HORMAD2: variants seen among roughly 807,000 people sequenced by gnomAD.
HORMAD2 encodes the protein HORMA domain-containing protein 2.
In HORMAD2, 45 loss-of-function variants were observed where a neutral mutation model predicts 38.8. The ratio of observed to expected loss-of-function variants is 1.16; its 90% confidence interval spans 0.91 to 1.49. The LOEUF is 1.49. Ranked by LOEUF, HORMAD2 falls within the 40% of genes most tolerant of loss-of-function variation. HORMAD2 has a pLI of 0.00. For missense variants in HORMAD2, 338 were observed against 367.0 expected (o/e 0.92, Z 0.65); for synonymous variants, 126 against 122.8 (o/e 1.03, Z -0.17).
intron 10 of HORMAD2, among the ~76,000 whole-genome samples, chr22:30,129,064 A>G (rs1468908993): frequency 6.6e-6 from 1 of 151,794 alleles, no homozygotes; most frequent in African/African-American, 2.4e-5. Flanking sequence ...TAAAAATACA[A>G]AAAATTAGCC....
chr22:30,140,842 C>T (rs1924021787), intron 10 of HORMAD2, among the ~76,000 whole-genome samples: 1 of 152,038 alleles, frequency 6.6e-6, no homozygotes, highest in African/African-American at 2.4e-5. Flanking sequence ...GCACTTTTTC[C>T]AGTGTCTTAA....
chr22:30,093,195 G>A (rs1342600604), intron 1 of HORMAD2, among the ~76,000 whole-genome samples: 1 of 152,012 alleles, frequency 6.6e-6, no homozygotes, highest in African/African-American at 2.4e-5. Flanking sequence ...TTTCATTGTA[G>A]CAATCTTTCA....
the HORMAD2 span, among the ~76,000 whole-genome samples, chr22:30,194,926 C>T: frequency 6.6e-6 from 1 of 152,270 alleles, no homozygotes; most frequent in African/African-American, 2.4e-5. Flanking sequence ...GGCACAGTGG[C>T]TCACGCCTGT....
chr22:30,090,267 G>T (rs1252259861), intron 1 of HORMAD2, among the ~76,000 whole-genome samples: 1 of 152,184 alleles, frequency 6.6e-6, no homozygotes, highest in Non-Finnish European at 1.5e-5. Context: ...AGAGGCTGAG[G>T]TGGGAGAATC....
the HORMAD2 span, among the ~76,000 whole-genome samples, chr22:30,200,556 T>C: frequency 6.6e-6 from 1 of 151,958 alleles, no homozygotes; most frequent in Non-Finnish European, 1.5e-5. Context: ...TCTAAATCAT[T>C]TTATTAATTT....
chr22:30,094,795 C>T (rs73400673), intron 2 of HORMAD2, among the ~76,000 whole-genome samples: 2,453 of 152,200 alleles, frequency 0.016, 65 homozygotes, highest in African/African-American at 0.056. Context: ...TGAGGAAAAC[C>T]CAGCATATGC....
chr22:30,174,501 A>G (rs1287954640), intron 10 of HORMAD2, among the ~76,000 whole-genome samples: 4 of 152,184 alleles, frequency 2.6e-5, no homozygotes, highest in Non-Finnish European at 5.9e-5. Context: ...AGGCCTCACT[A>G]TTACCTTGAG....
At chr22:30,083,418 A>G (rs1757674366) in intron 1 of HORMAD2, among the ~76,000 whole-genome samples, 1 of 152,238 alleles carries the variant, frequency 6.6e-6, no homozygotes, top group African/African-American at 2.4e-5. Flanking sequence ...AGGTTTTTAG[A>G]TAATGAGCCT....
intron 1 of HORMAD2, among the ~76,000 whole-genome samples, chr22:30,088,185 A>G (rs911319369): frequency 3.6e-4 from 54 of 150,342 alleles, no homozygotes; most frequent in Non-Finnish European, 8.9e-5. Context: ...ATATATACAT[A>G]TATACCTATG....
At chr22:30,102,994 A>C (rs1271021376) in intron 3 of HORMAD2, among the ~76,000 whole-genome samples, 1 of 152,152 alleles carries the variant, frequency 6.6e-6, no homozygotes, top group African/African-American at 2.4e-5. Context: ...ATTTCGGATA[A>C]AATAAATATT....
intron 10 of HORMAD2, among the ~76,000 whole-genome samples, chr22:30,129,237 AAAAAAAAAAAAAAAAAAAAG>A (rs1480858149): frequency 0.049 from 4,027 of 82,570 alleles, 484 homozygotes; most frequent in African/African-American, 0.15. Flanking sequence ...AAAAAAAAAA[AAAAAAAAAAAAAAAAAAAAG>A]AGAGAGAGAG....
chr22:30,192,244 G>C, the HORMAD2 span: 2 of 152,270 alleles, frequency 1.3e-5, no homozygotes, highest in Non-Finnish European at 2.9e-5. Context: ...AAGAGGAATA[G>C]GGTTAACAAA....
chr22:30,180,949 CT>C (rs1827904146), downstream of HORMAD2, among the ~76,000 whole-genome samples: 1 of 113,874 alleles, frequency 8.8e-6, no homozygotes, highest in Non-Finnish European at 1.9e-5. Flanking sequence ...CTCCTCTCCT[CT>C]CCTCTCCTCT....
the HORMAD2 span, chr22:30,207,263 T>C: frequency 5.9e-6 from 2 of 337,856 alleles, no homozygotes; most frequent in Admixed American, 7.3e-5. Context: ...CTGATTCTTT[T>C]CTTGGGGCTG....
chr22:30,164,607 ATG>A (rs1925662367), intron 10 of HORMAD2, among the ~76,000 whole-genome samples: 1 of 152,172 alleles, frequency 6.6e-6, no homozygotes, highest in Non-Finnish European at 1.5e-5. Flanking sequence ...ATTTAGAGAA[ATG>A]TCTCTTCAAG....
chr22:30,190,221 CCT>C, the HORMAD2 span, among the ~76,000 whole-genome samples: 1 of 152,148 alleles, frequency 6.6e-6, no homozygotes, highest in East Asian at 1.9e-4. Context: ...GCCCCTCAAC[CCT>C]CTCTTTCTCT....
intron 10 of HORMAD2, among the ~76,000 whole-genome samples, chr22:30,171,166 A>T (rs1468423847): frequency 6.6e-6 from 1 of 152,018 alleles, no homozygotes; most frequent in Non-Finnish European, 1.5e-5. Flanking sequence ...CCACACTCTG[A>T]TCTTTCAATA....
chr22:30,097,853 G>A (rs2068811129), intron 2 of HORMAD2, among the ~76,000 whole-genome samples: 1 of 152,164 alleles, frequency 6.6e-6, no homozygotes. Context: ...AGAGATAAGG[G>A]GCTACTGCAG....
intron 10 of HORMAD2, among the ~76,000 whole-genome samples, chr22:30,155,521 G>A (rs778322727): frequency 3.3e-5 from 5 of 151,916 alleles, no homozygotes; most frequent in Non-Finnish European, 7.4e-5. Flanking sequence ...TTCCAGACTC[G>A]TCTTGTGTTT....
Sources: allele counts gnomAD v4.1 joint callset (sites outside exome capture counted in the v4.1 genomes callset), GRCh38; gene constraint gnomAD v4.1.1; transcripts MANE v1.5; gene names NCBI Gene and HGNC (gene_info 2026-07-23, HGNC 2026-07-21).